The following CSMD1 variants were observed in gnomAD, a reference collection of about 807,000 sequenced individuals.
CSMD1 encodes the protein CUB and sushi domain-containing protein 1.
CSMD1 carries 213 observed loss-of-function variants against 417.5 expected under a neutral mutation model. The ratio of observed to expected loss-of-function variants is 0.51; its 90% CI spans 0.46 to 0.57. The LOEUF (loss-of-function observed/expected upper bound fraction) is 0.57. CSMD1 is among the 20% of genes least tolerant of loss of function. The pLI is 0.00. For missense variants in CSMD1, 6,923 were observed against 4,529.7 expected (o/e 1.53, Z -15.17); for synonymous variants, 2,862 against 1,736.8 (o/e 1.65, Z -16.11).
At chr8:4,547,549 C>T (rs545008579) in intron 2 of CSMD1, among the ~76,000 whole-genome samples, 2 of 152,108 alleles carry the variant, frequency 1.3e-5, no homozygotes, top group Admixed American at 6.6e-5. Context: ...TTTACCTGTT[C>T]GTAGATACTT....
intron 6 of CSMD1, among the ~76,000 whole-genome samples, chr8:3,747,442 T>C (rs966053065): frequency 1.3e-5 from 2 of 152,304 alleles, no homozygotes; most frequent in Non-Finnish European, 2.9e-5. Context: ...TGGTCATCCA[T>C]GCGAACACAT....
chr8:4,440,392 T>C (rs377425414), intron 2 of CSMD1, among the ~76,000 whole-genome samples: 4 of 152,200 alleles, frequency 2.6e-5, no homozygotes, highest in South Asian at 2.1e-4. Flanking sequence ...AGTCAGAGGA[T>C]TGCTCTCACT....
At chr8:4,550,493 C>G (rs552527119) in intron 2 of CSMD1, among the ~76,000 whole-genome samples, 9 of 152,174 alleles carry the variant, frequency 5.9e-5, no homozygotes, top group South Asian at 4.2e-4. Context: ...AGCTTATTCT[C>G]TATCTTTAAC....
intron 2 of CSMD1, among the ~76,000 whole-genome samples, chr8:4,584,464 C>T (rs1017618633): frequency 3.9e-5 from 6 of 152,172 alleles, no homozygotes; most frequent in East Asian, 1.9e-4. Flanking sequence ...GCGTGGCCGC[C>T]GGACTAAAGA....
intron 12 of CSMD1, among the ~76,000 whole-genome samples, chr8:3,467,436 AAAGTTCAATTGAAGG>A (rs1816847013): frequency 6.6e-6 from 1 of 152,238 alleles, no homozygotes; most frequent in Non-Finnish European, 1.5e-5. Context: ...CAGTCACATA[AAAGTTCAATTGAAGG>A]TCAGGTCTAA....
At chr8:3,307,457 C>T (rs988986472) in intron 25 of CSMD1, among the ~76,000 whole-genome samples, 4 of 152,116 alleles carry the variant, frequency 2.6e-5, no homozygotes, top group Non-Finnish European at 4.4e-5. Context: ...GTTTGTTATG[C>T]AGCAGAAGCT....
In CSMD1 at chr8:3,993,235, G is replaced by T. The variant is rs1340317932; in HGVS notation, c.818+4668C>A. Among the ~76,000 whole-genome samples the T allele has an allele frequency of 2.0e-5, 3 of 152,172 alleles. No homozygotes were observed. In the South Asian group the frequency reaches 6.2e-4, roughly 32 times the overall value. ...TAGTGCTGCAAATTTTCTGTAAAAT[G>T]AATTCAAAATAATAACAACATGAGG... On this transcript the variant is annotated intron_variant, in intron 5 of 69. Coordinates refer to ENST00000635120, the MANE Select transcript of CSMD1 (RefSeq NM_033225.6).
chr8:3,555,798 C>T (rs1372042956), intron 10 of CSMD1, among the ~76,000 whole-genome samples: 1 of 152,086 alleles, frequency 6.6e-6, no homozygotes, highest in African/African-American at 2.4e-5. Context: ...GTTAGGCAGA[C>T]AGTTGTATGG....
Position 3,724,018 on chromosome 8 carries a change from G to A in CSMD1, c.932-15527C>T, listed in dbSNP as rs1307995651. 7.7e-5 allele frequency among the ~76,000 whole-genome samples: 4 copies of A among 51,936 alleles called. 1 individual carries two copies. Among genetic ancestry groups the A allele is most frequent in the Non-Finnish European group, 4.0e-4 (4 of 10,030 alleles). 34.1% of individuals were successfully genotyped at this position (51,936 alleles called of 152,430 possible). On this transcript the variant is annotated intron_variant, in intron 6 of 69. Coordinates refer to ENST00000635120, the MANE Select transcript of CSMD1 (RefSeq NM_033225.6). The stretch of plus-strand genomic sequence containing the variant: ...TTATCTAAGAGGGATATTAAAATAC[G>A]CCTCTCTTTTTCAACTTTCTATCTG...
At chr8:4,770,263 A>G (rs1197025625) in intron 1 of CSMD1, among the ~76,000 whole-genome samples, 1 of 148,308 alleles carries the variant, frequency 6.7e-6, no homozygotes, top group Non-Finnish European at 1.5e-5. Context: ...AATTACATAT[A>G]AAATTTGTAA....
At chr8:3,724,906 A>G (rs1802396749) in intron 6 of CSMD1, among the ~76,000 whole-genome samples, 1 of 152,244 alleles carries the variant, frequency 6.6e-6, no homozygotes, top group Admixed American at 6.5e-5. Flanking sequence ...CTGCCATGGT[A>G]AAGAAGCACA....
At chr8:3,855,120 T>A (rs950575141) in intron 5 of CSMD1, among the ~76,000 whole-genome samples, 10 of 152,316 alleles carry the variant, frequency 6.6e-5, no homozygotes, top group African/African-American at 2.4e-4. Flanking sequence ...TGGTTTTAAA[T>A]ATTTTTCTGT....
intron 2 of CSMD1, among the ~76,000 whole-genome samples, chr8:4,623,007 T>C (rs1416427306): frequency 6.6e-6 from 1 of 152,118 alleles, no homozygotes; most frequent in Non-Finnish European, 1.5e-5. Flanking sequence ...AAAACATAAA[T>C]TAGACTTTTT....
At chr8:4,410,266 A>G (rs1253467354) in intron 3 of CSMD1, among the ~76,000 whole-genome samples, 1 of 152,178 alleles carries the variant, frequency 6.6e-6, no homozygotes, top group African/African-American at 2.4e-5. Flanking sequence ...GGTACCATTT[A>G]TTTTTCATTT....
intron 2 of CSMD1, among the ~76,000 whole-genome samples, chr8:4,618,930 A>G (rs2130809453): frequency 6.6e-6 from 1 of 152,296 alleles, no homozygotes. Flanking sequence ...AAAAGAAACC[A>G]CAATAACAAA....
intron 23 of CSMD1, among the ~76,000 whole-genome samples, chr8:3,311,067 CTTAAGCAGAAAA>C (rs1162067830): frequency 6.7e-6 from 1 of 149,880 alleles, no homozygotes; most frequent in African/African-American, 2.4e-5. Flanking sequence ...TGGGAAATAC[CTTAAGCAGAAAA>C]TTAATGTAAT....
At chr8:3,801,713 A>T (rs553193522) in intron 5 of CSMD1, among the ~76,000 whole-genome samples, 1 of 152,204 alleles carries the variant, frequency 6.6e-6, no homozygotes, top group Non-Finnish European at 1.5e-5. Context: ...CAAAATATGG[A>T]AACAATTCAA....
chr8:4,864,375 T>C (rs1195384974), intron 1 of CSMD1, among the ~76,000 whole-genome samples: 2 of 151,820 alleles, frequency 1.3e-5, no homozygotes, highest in East Asian at 3.9e-4. Flanking sequence ...TACGTAAAAA[T>C]GTATTTGTCT....
In CSMD1 at chr8:2,994,886, T is replaced by C. The variant is rs202020094; in HGVS notation, c.8377+3125A>G. ...GGTTAAAAAAAGAATAGTGAAACTC[T>C]ATTTAAATCTCAGACTTTATACAAA... On this transcript the variant is annotated intron_variant, in intron 54 of 69. Coordinates refer to ENST00000635120, the MANE Select transcript of CSMD1 (RefSeq NM_033225.6). Among the ~76,000 whole-genome samples the C allele has an allele frequency of 2.8e-4, 42 of 152,340 alleles. 1 individual carries two copies. The East Asian group carries it at 4.0e-3, about 15-fold the overall frequency.
Sources: allele counts gnomAD v4.1 joint callset (sites outside exome capture counted in the v4.1 genomes callset), GRCh38; gene constraint gnomAD v4.1.1; transcripts MANE v1.5; gene names NCBI Gene and HGNC (gene_info 2026-07-23, HGNC 2026-07-21).